Variants in ZDHHC17 observed in about 807,000 individuals in gnomAD.
ZDHHC17 encodes the protein palmitoyltransferase ZDHHC17.
Under a neutral mutation model 90.3 loss-of-function variants are expected in ZDHHC17, and 40 were observed. The ratio of observed to expected loss-of-function variants is 0.44; its 90% CI spans 0.34 to 0.58. ZDHHC17 has a LOEUF of 0.58. Among genes scored for constraint, ZDHHC17 ranks in the 20% least tolerant of loss-of-function variants. The pLI is 0.01. For synonymous variants in ZDHHC17, 235 were observed against 252.4 expected (o/e 0.93, Z 0.65); for missense variants, 614 against 780.8 (o/e 0.79, Z 2.55).
At chr12:76,767,855 G>A (rs1369439120) in intron 1 of ZDHHC17, among the ~76,000 whole-genome samples, 1 of 151,974 alleles carries the variant, frequency 6.6e-6, no homozygotes, top group Non-Finnish European at 1.5e-5. Context: ...GGAGGTGGAG[G>A]TTGCAGTGAG....
intron 1 of ZDHHC17, among the ~76,000 whole-genome samples, chr12:76,792,799 T>A (rs1952774625): frequency 6.6e-6 from 1 of 152,252 alleles, no homozygotes; most frequent in African/African-American, 2.4e-5. Context: ...TCAGAACTTT[T>A]TTTTTAGAAA....
chr12:76,792,327 A>C (rs1952768002), intron 1 of ZDHHC17, among the ~76,000 whole-genome samples: 1 of 152,190 alleles, frequency 6.6e-6, no homozygotes, highest in African/African-American at 2.4e-5. Context: ...CTTATACCAC[A>C]ATAGGTCTAG....
chr12:76,838,432 T>C (rs1953395121), intron 10 of ZDHHC17, among the ~76,000 whole-genome samples: 1 of 152,244 alleles, frequency 6.6e-6, no homozygotes, highest in Non-Finnish European at 1.5e-5. Flanking sequence ...AGAGTAATCT[T>C]TGAAGTTTTT....
chr12:76,828,489 T>C lies in ZDHHC17; in HGVS notation c.1140T>C (p.Asn380=). Residue 380 remains asparagine (N), a splice_region_variant and synonymous_variant, in exon 10 of 17, where the codon AAT becomes AAC. Coordinates refer to ENST00000426126, the MANE Select transcript of ZDHHC17 (RefSeq NM_015336.4). ...TGACGTGGTTCTTCTGGTTTTGGAATGATATCCTTTGGTTATAAAGATCAT... is the reference window on the plus strand; with the variant it reads ...TGACGTGGTTCTTCTGGTTTTGGAACGATATCCTTTGGTTATAAAGATCAT... ...MYVTWFFWFW[N]DLNFLFIHLP... 6.2e-7 allele frequency: 1 copy of C among 1,610,644 alleles called. No homozygotes were observed. The highest frequency in any genetic ancestry group is 8.5e-7 in the Non-Finnish European group (1 of 1,178,966).
intron 2 of ZDHHC17, among the ~76,000 whole-genome samples, chr12:76,803,298 C>T (rs1299812459): frequency 6.6e-6 from 1 of 152,044 alleles, no homozygotes; most frequent in East Asian, 1.9e-4. Context: ...ATAAAATAGG[C>T]TTTGTCTTAG....
At chr12:76,773,025 T>G (rs1264506987) in intron 1 of ZDHHC17, among the ~76,000 whole-genome samples, 1 of 152,004 alleles carries the variant, frequency 6.6e-6, no homozygotes, top group Non-Finnish European at 1.5e-5. Context: ...CCCTGCTCAT[T>G]TTTTGTATTT....
chr12:76,769,146 C>A, intron 1 of ZDHHC17: 1 of 361,780 alleles, frequency 2.8e-6, no homozygotes, highest in Non-Finnish European at 5.7e-6. Flanking sequence ...GCAACCTCAG[C>A]CTCCTGCGTT....
intron 10 of ZDHHC17, among the ~76,000 whole-genome samples, chr12:76,832,165 A>G (rs1953310345): frequency 6.6e-6 from 1 of 152,228 alleles, no homozygotes; most frequent in Non-Finnish European, 1.5e-5. Flanking sequence ...GGGAACAGAA[A>G]AGAACACAGA....
At chr12:76,792,827 TGAA>T (rs2137739492) in intron 1 of ZDHHC17, among the ~76,000 whole-genome samples, 1 of 152,276 alleles carries the variant, frequency 6.6e-6, no homozygotes, top group Non-Finnish European at 1.5e-5. Context: ...AACCTTTAAT[TGAA>T]GAAATCTTGT....
chr12:76,797,418 A>G lies in ZDHHC17; in HGVS notation c.94-16A>G, dbSNP rs778487944. The G allele has an allele frequency of 3.2e-6, 5 of 1,580,698 alleles. No homozygotes were observed. Among genetic ancestry groups the G allele is most frequent in the Non-Finnish European group, 4.3e-6 (5 of 1,162,072 alleles). On this transcript the variant is annotated splice_polypyrimidine_tract_variant and intron_variant, in intron 1 of 16. Transcript: ENST00000426126. ...TTTTTTCAATTCTTGCCTGTGTGTG[A>G]TTTTCTTTTTAACAGGAAATCAAAC...
chr12:76,819,333 A>AT (rs1953131270), intron 7 of ZDHHC17, among the ~76,000 whole-genome samples: 1 of 152,206 alleles, frequency 6.6e-6, no homozygotes, highest in Non-Finnish European at 1.5e-5. Context: ...AATACCTAGA[A>AT]TATTTGTCCA....
At chr12:76,778,381 A>T (rs2137720330) in intron 1 of ZDHHC17, among the ~76,000 whole-genome samples, 1 of 152,120 alleles carries the variant, frequency 6.6e-6, no homozygotes, top group Middle Eastern at 3.4e-3. Flanking sequence ...CACCACACCC[A>T]GCGAATTTTT....
chr12:76,816,721 T>C (rs1953092147), intron 7 of ZDHHC17, among the ~76,000 whole-genome samples: 1 of 152,038 alleles, frequency 6.6e-6, no homozygotes, highest in Admixed American at 6.6e-5. Context: ...TTCCAAGGAA[T>C]AGTTTGTTCT....
chr12:76,841,395 ATT>A (rs972197528), intron 10 of ZDHHC17, among the ~76,000 whole-genome samples: 1 of 152,046 alleles, frequency 6.6e-6, no homozygotes, highest in Non-Finnish European at 1.5e-5. Flanking sequence ...ACATTGCTGT[ATT>A]TTTTATAGTG....
At chr12:76,775,543 T>G (rs1254916505) in intron 1 of ZDHHC17, among the ~76,000 whole-genome samples, 1 of 152,218 alleles carries the variant, frequency 6.6e-6, no homozygotes, top group Non-Finnish European at 1.5e-5. Context: ...TAAAAGATTT[T>G]TCAATTAGTG....
chr12:76,829,393 G>C (rs944695561), intron 10 of ZDHHC17, among the ~76,000 whole-genome samples: 2 of 145,972 alleles, frequency 1.4e-5, no homozygotes, highest in African/African-American at 5.2e-5. Context: ...AGAGGCGGAG[G>C]TTGCAGTGAG....
intron 3 of ZDHHC17, among the ~76,000 whole-genome samples, chr12:76,806,234 A>G (rs1952952229): frequency 6.6e-6 from 1 of 152,116 alleles, no homozygotes; most frequent in Admixed American, 6.5e-5. Flanking sequence ...AGCTTGGAGC[A>G]CAGGCGAATA....
At chr12:76,846,488 T>C in intron 13 of ZDHHC17, 108 bp from the exon 14 acceptor site, 1 of 733,384 alleles carries the variant, frequency 1.4e-6, no homozygotes, top group South Asian at 1.9e-5. Flanking sequence ...AATGTATGTG[T>C]GATTATCATC....
chr12:76,793,318 G>A (rs1411387899), intron 1 of ZDHHC17, among the ~76,000 whole-genome samples: 1 of 152,174 alleles, frequency 6.6e-6, no homozygotes, highest in African/African-American at 2.4e-5. Flanking sequence ...CCAGGAGTTT[G>A]AGACCAACCT....
Sources: gnomAD v4.1 joint callset for allele counts (sites outside exome capture counted in the v4.1 genomes callset) on GRCh38, gnomAD v4.1.1 for gene constraint, MANE v1.5 for transcripts, NCBI Gene and HGNC (gene_info 2026-07-23, HGNC 2026-07-21) for gene names.